Variants in ZNF385D observed in about 807,000 individuals in gnomAD.
ZNF385D encodes the protein zinc finger protein 659.
In ZNF385D, 15 loss-of-function variants were observed where a neutral mutation model predicts 35.8. That is an observed-to-expected ratio of 0.42 (90% CI 0.28 to 0.64). The LOEUF (loss-of-function observed/expected upper bound fraction) is 0.64. Among genes scored for constraint, ZNF385D ranks in the 30% least tolerant of loss-of-function variants. The probability of loss-of-function intolerance (pLI) is 0.23; values close to 1 mark genes in which losing one functional copy is unlikely to be tolerated. For synonymous variants in ZNF385D, 212 were observed against 186.8 expected, an observed-to-expected ratio of 1.13 and a Z score of -1.10; for missense variants, 474 against 494.6, an observed-to-expected ratio of 0.96 and a Z score of 0.39.
At chr3:21,529,989 G>A (rs147317524) in intron 3 of ZNF385D, among the ~76,000 whole-genome samples, 1 of 152,106 alleles carries the variant, frequency 6.6e-6, no homozygotes, top group African/African-American at 2.4e-5. Context: ...GTCATGGGGG[G>A]GGTGAACCCT....
At chr3:21,688,292 A>C (rs1421464355) in intron 1 of ZNF385D, among the ~76,000 whole-genome samples, 3 of 152,162 alleles carry the variant, frequency 2.0e-5, no homozygotes, top group African/African-American at 7.2e-5. Context: ...CAAGTACTCT[A>C]TTTTAGGGAT....
intron 2 of ZNF385D, among the ~76,000 whole-genome samples, chr3:22,204,340 T>C (rs1381637828): frequency 6.6e-6 from 1 of 152,008 alleles, no homozygotes; most frequent in African/African-American, 2.4e-5. Flanking sequence ...AGAACTTGTA[T>C]GATAAAAGAC....
intron 4 of ZNF385D, among the ~76,000 whole-genome samples, chr3:21,469,208 C>T (rs1863090): frequency 0.73 from 111,482 of 152,094 alleles, 42,008 homozygotes; most frequent in East Asian, 0.94. Flanking sequence ...GCAATTAAAA[C>T]TTCCTCACTC....
intron 3 of ZNF385D, among the ~76,000 whole-genome samples, chr3:21,860,687 C>T (rs118175126): frequency 1.3e-5 from 2 of 152,250 alleles, no homozygotes; most frequent in East Asian, 3.9e-4. Flanking sequence ...AGTCAGGCCT[C>T]CAAACATTTT....
chr3:21,953,661 G>C (rs1702161771), intron 3 of ZNF385D, among the ~76,000 whole-genome samples: 1 of 151,964 alleles, frequency 6.6e-6, no homozygotes, highest in Admixed American at 6.6e-5. Flanking sequence ...TCAAGGAATA[G>C]AGAGCATTTT....
chr3:21,935,633 T>G (rs1053573083), intron 3 of ZNF385D, among the ~76,000 whole-genome samples: 35 of 152,120 alleles, frequency 2.3e-4, no homozygotes, highest in African/African-American at 8.4e-4. Context: ...AGTAAAAAGT[T>G]GCTTGTCTGT....
chr3:22,162,623 AC>A (rs1442100001), intron 3 of ZNF385D, among the ~76,000 whole-genome samples: 1 of 151,774 alleles, frequency 6.6e-6, no homozygotes, highest in Non-Finnish European at 1.5e-5. Context: ...CTGGGACTCC[AC>A]CCCCCTTGCA....
intron 3 of ZNF385D, among the ~76,000 whole-genome samples, chr3:21,840,509 C>A (rs1477609766): frequency 1.3e-5 from 2 of 151,980 alleles, no homozygotes; most frequent in East Asian, 1.9e-4. Context: ...ACAAGAATAA[C>A]GGTATGCCCA....
chr3:22,010,854 A>G (rs1389305823), intron 3 of ZNF385D, among the ~76,000 whole-genome samples: 1 of 152,146 alleles, frequency 6.6e-6, no homozygotes, highest in Non-Finnish European at 1.5e-5. Context: ...ATGTAAGGAC[A>G]GCTATTTCAA....
At chr3:22,234,608 A>G (rs556050079) in intron 2 of ZNF385D, among the ~76,000 whole-genome samples, 1 of 149,930 alleles carries the variant, frequency 6.7e-6, no homozygotes. Flanking sequence ...GTGTGTGTCA[A>G]CTCCTTCTGA....
chr3:21,540,933 T>C (rs180775611), intron 3 of ZNF385D, among the ~76,000 whole-genome samples: 125 of 152,304 alleles, frequency 8.2e-4, no homozygotes, highest in African/African-American at 3.0e-3. Flanking sequence ...ATTCAATTTA[T>C]ATCAAAACAC....
intron 1 of ZNF385D, among the ~76,000 whole-genome samples, chr3:21,719,692 T>G (rs1156906304): frequency 6.6e-6 from 1 of 152,086 alleles, no homozygotes; most frequent in South Asian, 2.1e-4. Flanking sequence ...CATGTAAGAC[T>G]CTCTAGCGCC....
intron 3 of ZNF385D, among the ~76,000 whole-genome samples, chr3:21,761,557 A>G (rs1375774655): frequency 6.6e-6 from 1 of 152,212 alleles, no homozygotes; most frequent in Non-Finnish European, 1.5e-5. Flanking sequence ...AGTGAAGGTC[A>G]TCAATCAATG....
At chr3:22,185,603 G>A (rs1043757094) in intron 2 of ZNF385D, among the ~76,000 whole-genome samples, 2 of 152,090 alleles carry the variant, frequency 1.3e-5, no homozygotes, top group Admixed American at 6.6e-5. Flanking sequence ...GAGTAGCTGG[G>A]ATTACAGGCA....
intron 3 of ZNF385D, among the ~76,000 whole-genome samples, chr3:21,786,697 T>G (rs2071702494): frequency 6.6e-6 from 1 of 152,226 alleles, no homozygotes. Context: ...TTCTGCTTGG[T>G]AATTCATAAA....
chr3:21,589,912 C>T (rs1194475384), intron 2 of ZNF385D, among the ~76,000 whole-genome samples: 2 of 151,988 alleles, frequency 1.3e-5, no homozygotes, highest in African/African-American at 4.8e-5. Flanking sequence ...AAATTAGTAG[C>T]ACTCTTTGGT....
chr3:21,549,942 G>C (rs1264500226), intron 3 of ZNF385D, among the ~76,000 whole-genome samples: 1 of 152,126 alleles, frequency 6.6e-6, no homozygotes, highest in Admixed American at 6.5e-5. Context: ...GGGACAATTT[G>C]TCCCTGCATT....
At chr3:21,797,701 T>C (rs2072214250) in intron 3 of ZNF385D, among the ~76,000 whole-genome samples, 1 of 152,108 alleles carries the variant, frequency 6.6e-6, no homozygotes, top group African/African-American at 2.4e-5. Flanking sequence ...CATAAAGAGA[T>C]ATGAAGAAAC....
chr3:22,250,245 T>A (rs371530089), intron 2 of ZNF385D, among the ~76,000 whole-genome samples: 219 of 152,270 alleles, frequency 1.4e-3, no homozygotes, highest in African/African-American at 5.0e-3. Flanking sequence ...CCAGTATTCC[T>A]TGAGTGGGTT....
Sources: gnomAD v4.1 joint callset for allele counts (sites outside exome capture counted in the v4.1 genomes callset) on GRCh38, gnomAD v4.1.1 for gene constraint, MANE v1.5 for transcripts, NCBI Gene and HGNC (gene_info 2026-07-23, HGNC 2026-07-21) for gene names.